RSPO3: variants seen among roughly 807,000 people sequenced by gnomAD.
RSPO3 encodes the protein R-spondin 3, also known as R-spondin-3.
RSPO3 carries 17 observed loss-of-function variants against 36.5 expected under a neutral mutation model. The ratio of observed to expected loss-of-function variants is 0.47; its 90% CI spans 0.32 to 0.70. The LOEUF is 0.70. Ranked by LOEUF, RSPO3 falls within the 30% of genes least tolerant of loss-of-function variation. The pLI, the probability that RSPO3 is intolerant of heterozygous loss-of-function variation, is 0.04. For synonymous variants in RSPO3, 108 were observed against 107.0 expected (o/e 1.01, Z -0.06); for missense variants, 294 against 322.5 (o/e 0.91, Z 0.68).
In RSPO3 at chr6:127,133,608, T is replaced by C. The variant is rs541153076; in HGVS notation, c.97+14319T>C. ...TCATTTTTGTAGCATGCTCTAACCT[T>C]AGATAGTTGCCCGTCCAAATGTCTA... is the stretch of plus-strand genomic sequence containing the variant. On this transcript the variant is annotated intron_variant, in intron 1 of 4. Transcript: ENST00000356698. Among the ~76,000 whole-genome samples, 10 of 152,130 alleles carry C rather than the reference T, an allele frequency of 6.6e-5. No individual in the cohort carries two copies. In the South Asian group the frequency reaches 1.9e-3, roughly 28 times the overall value.
At chr6:127,169,551 A>G (rs1774895603) in intron 4 of RSPO3, among the ~76,000 whole-genome samples, 1 of 151,940 alleles carries the variant, frequency 6.6e-6, no homozygotes. Flanking sequence ...AACATAAAAC[A>G]TCAGAATAAG....
intron 4 of RSPO3, among the ~76,000 whole-genome samples, chr6:127,183,011 T>C (rs1307407619): frequency 6.6e-6 from 1 of 152,020 alleles, no homozygotes; most frequent in African/African-American, 2.4e-5. Flanking sequence ...CCTCTCTTCC[T>C]CTATTTCTCT....
At chr6:127,137,711 C>A (rs1774187847) in intron 1 of RSPO3, among the ~76,000 whole-genome samples, 1 of 152,110 alleles carries the variant, frequency 6.6e-6, no homozygotes, top group African/African-American at 2.4e-5. Flanking sequence ...TCCCTCCTTC[C>A]CCCTTTCCAT....
intron 1 of RSPO3, among the ~76,000 whole-genome samples, chr6:127,136,722 GTTGTT>G (rs1420217792): frequency 5.9e-5 from 9 of 152,174 alleles, no homozygotes. Context: ...TAGGGGGATA[GTTGTT>G]TTGTTTTTCT....
intron 4 of RSPO3, among the ~76,000 whole-genome samples, chr6:127,194,379 T>G (rs1775471146): frequency 6.6e-6 from 1 of 152,202 alleles, no homozygotes; most frequent in Non-Finnish European, 1.5e-5. Context: ...TCAGAATTTG[T>G]CATACCTCAG....
intron 4 of RSPO3, among the ~76,000 whole-genome samples, chr6:127,168,838 C>G (rs1774877452): frequency 6.6e-6 from 1 of 152,058 alleles, no homozygotes; most frequent in Non-Finnish European, 1.5e-5. Flanking sequence ...TTTCCCAGCA[C>G]CATTTATTAA....
At chr6:127,127,860 C>T (rs1035769263) in intron 1 of RSPO3, among the ~76,000 whole-genome samples, 10 of 151,934 alleles carry the variant, frequency 6.6e-5, no homozygotes, top group Middle Eastern at 3.2e-3. Flanking sequence ...TTTTTTCAAA[C>T]ATTTACTATA....
intron 1 of RSPO3, among the ~76,000 whole-genome samples, chr6:127,125,031 A>T (rs1773913273): frequency 1.3e-5 from 2 of 152,096 alleles, no homozygotes; most frequent in Non-Finnish European, 2.9e-5. Context: ...TTTTATTTTT[A>T]AAAAACAGGG....
chr6:127,167,200 C>T (rs547500557), intron 4 of RSPO3, among the ~76,000 whole-genome samples: 1 of 151,896 alleles, frequency 6.6e-6, no homozygotes, highest in African/African-American at 2.4e-5. Context: ...AAACATGTGC[C>T]ATGGTGGTTT....
chr6:127,152,459 C>T (rs1468925965), intron 3 of RSPO3, among the ~76,000 whole-genome samples: 2 of 152,070 alleles, frequency 1.3e-5, no homozygotes, highest in Non-Finnish European at 2.9e-5. Flanking sequence ...AAAGCCTGTT[C>T]CTTTAACAAA....
Position 127,195,882 on chromosome 6 carries a change from A to T in RSPO3, c.694A>T (p.Ile232Leu), listed in dbSNP as rs1447983258. 2.5e-6 allele frequency: 4 copies of T among 1,611,480 alleles called. No individual in the cohort carries two copies. In the African/African-American group the frequency reaches 5.3e-5, roughly 21 times the overall value. ...TAATAAAGGAGAAAGTAAAGAAGCA[A>T]TACCTGACAGCAAAAGTCTGGAATC... ...KPNKGESKEA[I>L]PDSKSLESSK... is the part of the protein sequence containing the mutation. The change falls in exon 5 of 5, where the codon ATA becomes TTA. Residue 232 changes from isoleucine to leucine, a missense_variant. This residue lies in a region of RSPO3 where 190 missense variants were observed against 185.2 expected (regional missense o/e 1.03). Transcript: ENST00000356698.
chr6:127,167,340 T>C (rs1160777737), intron 4 of RSPO3, among the ~76,000 whole-genome samples: 1 of 151,998 alleles, frequency 6.6e-6, no homozygotes, highest in African/African-American at 2.4e-5. Context: ...TGCGTTCTCA[T>C]CGTTCAGCTC....
intron 4 of RSPO3, among the ~76,000 whole-genome samples, chr6:127,170,610 T>C (rs1774916923): frequency 6.6e-6 from 1 of 151,726 alleles, no homozygotes; most frequent in Non-Finnish European, 1.5e-5. Context: ...TAGCTAAAAG[T>C]TGGGGTGGCA....
intron 4 of RSPO3, among the ~76,000 whole-genome samples, chr6:127,185,889 G>A (rs1346741615): frequency 6.6e-6 from 1 of 152,140 alleles, no homozygotes; most frequent in African/African-American, 2.4e-5. Flanking sequence ...ATACAACCCA[G>A]TAGACAATTT....
chr6:127,195,057 C>A (rs543333943), intron 4 of RSPO3, among the ~76,000 whole-genome samples: 4 of 152,282 alleles, frequency 2.6e-5, no homozygotes, highest in African/African-American at 4.8e-5. Context: ...CAAATCAGTT[C>A]TTTTCTCTTA....
At chr6:127,125,266 A>T (rs960350105) in intron 1 of RSPO3, among the ~76,000 whole-genome samples, 5 of 152,166 alleles carry the variant, frequency 3.3e-5, no homozygotes, top group African/African-American at 9.7e-5. Flanking sequence ...CCGCCTTATT[A>T]ATGTTTCATC....
chr6:127,150,860 AT>A (rs1301938221), intron 3 of RSPO3, among the ~76,000 whole-genome samples: 2 of 151,422 alleles, frequency 1.3e-5, no homozygotes, highest in Admixed American at 1.3e-4. Context: ...TATTTAGTGA[AT>A]TTTTATTTAA....
chr6:127,193,031 G>C (rs1473800256), intron 4 of RSPO3, among the ~76,000 whole-genome samples: 1 of 152,136 alleles, frequency 6.6e-6, no homozygotes, highest in African/African-American at 2.4e-5. Context: ...GCAAAGGGTA[G>C]TTAGCATTTC....
intron 4 of RSPO3, among the ~76,000 whole-genome samples, chr6:127,156,323 T>C (rs955541616): frequency 2.9e-4 from 44 of 152,152 alleles, no homozygotes; most frequent in African/African-American, 1.0e-3. Context: ...AGGAGAAATA[T>C]AGCATTTAAT....
Sources: allele counts gnomAD v4.1 joint callset (sites outside exome capture counted in the v4.1 genomes callset), GRCh38; gene constraint gnomAD v4.1.1; regional missense constraint gnomAD v4.1.1; transcripts MANE v1.5; gene names NCBI Gene and HGNC (gene_info 2026-07-23, HGNC 2026-07-21).